Variants in RGL1 observed in about 807,000 individuals in gnomAD.
The protein encoded by RGL1 is ral guanine nucleotide dissociation stimulator like 1.
In RGL1, 24 loss-of-function variants were observed where a neutral mutation model predicts 95.2. That is an observed-to-expected ratio of 0.25 (90% CI 0.18 to 0.35). RGL1 has a LOEUF of 0.35. Among genes scored for constraint, RGL1 ranks in the 10% least tolerant of loss-of-function variants. RGL1 has a pLI of 1.00. For missense variants in RGL1, 715 were observed against 936.3 expected (o/e 0.76, Z 3.08); for synonymous variants, 329 against 344.9 (o/e 0.95, Z 0.51).
intron 2 of RGL1, among the ~76,000 whole-genome samples, chr1:183,789,214 C>T (rs1008382262): frequency 1.2e-4 from 19 of 152,020 alleles, no homozygotes; most frequent in African/African-American, 3.9e-4. Context: ...GAGGCCGAGG[C>T]GGGTGGATCA....
At chr1:183,904,724 C>T (rs955694802) in intron 12 of RGL1, 126 bp from the exon 13 acceptor site, 2 of 976,112 alleles carry the variant, frequency 2.0e-6, no homozygotes, top group African/African-American at 1.7e-5. Context: ...ATTTCAGAAT[C>T]CTCCTAGATG....
chr1:183,869,268 G>A (rs1012765585), intron 4 of RGL1, among the ~76,000 whole-genome samples: 1 of 152,148 alleles, frequency 6.6e-6, no homozygotes, highest in Non-Finnish European at 1.5e-5. Context: ...AGTCTCATTC[G>A]AATTCGTTGT....
intron 3 of RGL1, among the ~76,000 whole-genome samples, chr1:183,861,837 C>T (rs1665529355): frequency 6.6e-6 from 1 of 152,142 alleles, no homozygotes; most frequent in African/African-American, 2.4e-5. Flanking sequence ...CATACACACA[C>T]TTTATTTACT....
intron 2 of RGL1, among the ~76,000 whole-genome samples, chr1:183,824,226 G>A (rs751986634): frequency 2.6e-5 from 4 of 152,022 alleles, no homozygotes; most frequent in Admixed American, 6.6e-5. Flanking sequence ...CCTAAAAATT[G>A]GTATACCTTC....
chr1:183,835,842 A>C (rs1370768184), intron 2 of RGL1, among the ~76,000 whole-genome samples: 1 of 152,240 alleles, frequency 6.6e-6, no homozygotes, highest in Non-Finnish European at 1.5e-5. Context: ...CTTTCTTACA[A>C]AAATCCTATG....
At chr1:183,812,589 A>C (rs896058706) in intron 2 of RGL1, among the ~76,000 whole-genome samples, 2 of 152,202 alleles carry the variant, frequency 1.3e-5, no homozygotes, top group African/African-American at 4.8e-5. Flanking sequence ...AGGGAGACAA[A>C]GTTGAATTAA....
chr1:183,889,458 C>T (rs1323035128), intron 8 of RGL1, among the ~76,000 whole-genome samples: 1 of 152,176 alleles, frequency 6.6e-6, no homozygotes, highest in East Asian at 1.9e-4. Flanking sequence ...TGCCAGCTGG[C>T]TTCCCAGCCA....
intron 4 of RGL1, 48 bp downstream of exon 4, chr1:183,866,121 TC>T (rs1235397568): frequency 6.9e-7 from 1 of 1,445,928 alleles, no homozygotes. Context: ...CAAGACAATA[TC>T]TTAAAGTAGT....
At chr1:183,833,658 T>A (rs1388317363) in intron 2 of RGL1, among the ~76,000 whole-genome samples, 2 of 152,238 alleles carry the variant, frequency 1.3e-5, no homozygotes, top group Non-Finnish European at 2.9e-5. Flanking sequence ...ACTAAAACCT[T>A]AGAACCTTGT....
At chr1:183,799,280 G>C (rs541485567) in intron 2 of RGL1, among the ~76,000 whole-genome samples, 2 of 152,130 alleles carry the variant, frequency 1.3e-5, no homozygotes, top group African/African-American at 4.8e-5. Flanking sequence ...ATATGGGAGC[G>C]CAGGTATCTC....
At chr1:183,729,688 C>T (rs987564602) in intron 1 of RGL1, among the ~76,000 whole-genome samples, 17 of 152,156 alleles carry the variant, frequency 1.1e-4, no homozygotes, top group Admixed American at 1.0e-3. Context: ...TGTTCTTTCA[C>T]TTTATTTAAA....
At chr1:183,827,605 G>T (rs1423427411) in intron 2 of RGL1, among the ~76,000 whole-genome samples, 1 of 152,220 alleles carries the variant, frequency 6.6e-6, no homozygotes, top group Non-Finnish European at 1.5e-5. Context: ...TTCGATTAAG[G>T]TATAGCTGCA....
intron 16 of RGL1, among the ~76,000 whole-genome samples, chr1:183,920,714 T>C (rs1398569047): frequency 6.6e-6 from 1 of 152,236 alleles, no homozygotes; most frequent in East Asian, 1.9e-4. Flanking sequence ...CTTCATACTA[T>C]CAAAAACATA....
At chr1:183,643,822 C>G (rs965934074) in intron 1 of RGL1, among the ~76,000 whole-genome samples, 35 of 152,060 alleles carry the variant, frequency 2.3e-4, no homozygotes, top group Non-Finnish European at 1.0e-4. Context: ...TTTTGAGGAA[C>G]GATTTGCACT....
At chr1:183,884,125 G>A (rs1179971133) in intron 6 of RGL1, among the ~76,000 whole-genome samples, 1 of 152,246 alleles carries the variant, frequency 6.6e-6, no homozygotes, top group Non-Finnish European at 1.5e-5. Flanking sequence ...AGGAGAAGGT[G>A]CTTTTGGAGC....
intron 1 of RGL1, among the ~76,000 whole-genome samples, chr1:183,662,259 T>G (rs1418680640): frequency 0.049 from 6,611 of 134,130 alleles, 340 homozygotes; most frequent in African/African-American, 0.13. Context: ...TAGGAAAAGA[T>G]GAAGTCAAAT....
chr1:183,657,132 A>C (rs1018640552), intron 1 of RGL1, among the ~76,000 whole-genome samples: 2 of 152,092 alleles, frequency 1.3e-5, no homozygotes, highest in African/African-American at 4.8e-5. Context: ...GATTCTGTTA[A>C]ATCTGTATAG....
intron 1 of RGL1, among the ~76,000 whole-genome samples, chr1:183,657,372 G>A (rs1198549664): frequency 3.9e-5 from 6 of 152,148 alleles, no homozygotes; most frequent in Non-Finnish European, 7.4e-5. Context: ...CATGTGCCAT[G>A]TTGGTGTGCT....
At chr1:183,668,091 G>A (rs931267535) in intron 1 of RGL1, among the ~76,000 whole-genome samples, 16 of 151,554 alleles carry the variant, frequency 1.1e-4, no homozygotes, top group Admixed American at 8.6e-4. Flanking sequence ...GATCAATTAC[G>A]AATAAAAAAA....
Sources: allele counts gnomAD v4.1 joint callset (sites outside exome capture counted in the v4.1 genomes callset), GRCh38; gene constraint gnomAD v4.1.1; transcripts MANE v1.5; gene names NCBI Gene and HGNC (gene_info 2026-07-23, HGNC 2026-07-21).